SPACA1: variants seen among roughly 807,000 people sequenced by gnomAD.
The protein encoded by SPACA1 is sperm acrosome membrane-associated protein 1.
Under a neutral mutation model 32.6 loss-of-function variants are expected in SPACA1, and 17 were observed. That is an observed-to-expected ratio of 0.52 (90% CI 0.36 to 0.78). The LOEUF (loss-of-function observed/expected upper bound fraction) is 0.78, where lower values mean the gene tolerates loss of function less well. SPACA1 is among the 30% of genes least tolerant of loss of function. The pLI, the probability that SPACA1 is intolerant of heterozygous loss-of-function variation, is 0.01. For missense variants in SPACA1, 363 were observed against 373.4 expected (o/e 0.97, Z 0.23); for synonymous variants, 140 against 138.1 (o/e 1.01, Z -0.10).
Position 88,058,829 on chromosome 6 carries a change from A to G in SPACA1, c.474+7A>G. 6.3e-7 allele frequency: 1 copy of G among 1,575,036 alleles called. No individual in the cohort carries two copies. Among genetic ancestry groups the G allele is most frequent in the Non-Finnish European group, 8.7e-7 (1 of 1,145,580 alleles). On this transcript the variant is annotated splice_region_variant and intron_variant, in intron 4 of 6. Transcript: ENST00000237201. ...ACTTCTAAGACAAGACCAAGTGAGT[A>G]ATGAATGGATATAACCTGGTGCTTT...
chr6:88,057,612 G>T lies in SPACA1; in HGVS notation c.266G>T (p.Gly89Val), dbSNP rs1334427853. The T allele has an allele frequency of 1.2e-6, 2 of 1,606,990 alleles. No homozygotes were observed. The highest frequency in any genetic ancestry group is 3.3e-5 in the Admixed American group (2 of 59,984). Reference protein sequence around the residue: ...VEFGMCTVTCGIGVREVILTN... With the variant: ...VEFGMCTVTCVIGVREVILTN... Reference sequence around the variant, plus strand: ...TGCCTTTTTAAATTTTAAACCAAAGGTATTGGTGTTAGAGAAGTTATATTA... The same window carrying T: ...TGCCTTTTTAAATTTTAAACCAAAGTTATTGGTGTTAGAGAAGTTATATTA... The change falls in exon 3 of 7, where the codon GGT (glycine) becomes GTT (valine). Residue 89 changes from glycine (G) to valine (V), a missense_variant and splice_region_variant. Transcript: ENST00000237201.
Position 88,064,972 on chromosome 6 carries a change from T to C in SPACA1, c.731+753T>C, listed in dbSNP as rs550371321. Among the ~76,000 whole-genome samples, 196 of 148,598 alleles carry C rather than the reference T, an allele frequency of 1.3e-3. 1 individual carries two copies. The highest frequency in any genetic ancestry group is 4.6e-3 in the African/African-American group (189 of 40,886). On this transcript the variant is annotated intron_variant, in intron 6 of 6. Transcript: ENST00000237201. The stretch of plus-strand genomic sequence containing the variant: ...TATATATTACCTCATATCTAAGAAG[T>C]GTCTTTTTATTATTTTGTTTGTGAT...
intron 1 of SPACA1, among the ~76,000 whole-genome samples, chr6:88,048,383 AT>A (rs1182164569): frequency 1.3e-5 from 2 of 151,928 alleles, no homozygotes; most frequent in Non-Finnish European, 2.9e-5. Flanking sequence ...AAGGAAAAAG[AT>A]TTTTTTTCAG....
chr6:88,051,124 G>A (rs904117050), intron 1 of SPACA1, among the ~76,000 whole-genome samples: 10 of 151,668 alleles, frequency 6.6e-5, no homozygotes, highest in African/African-American at 1.9e-4. Flanking sequence ...TCCAGCCTGG[G>A]CAACAGAGCG....
At position 88,066,469 on chromosome 6, in the gene SPACA1, G is replaced by T. The variant is rs1265301360; in HGVS notation, c.*134G>T. ...ACAGTGTGAAGGAAATGCAGTGTGG[G>T]GATAGGACTATTTTATCAGTGCATT... On this transcript the variant is annotated 3_prime_UTR_variant, in exon 7 of 7. Transcript: ENST00000237201. 1.4e-6 allele frequency: 1 copy of T among 727,824 alleles called. No individual in the cohort carries two copies. Among genetic ancestry groups the T allele is most frequent in the African/African-American group, 1.8e-5 (1 of 55,266 alleles). 45.1% of individuals were successfully genotyped at this position (727,824 alleles called of 1,614,324 possible). A position where few individuals can be genotyped will look rare whatever the true frequency, so the allele number is the denominator to read the frequency against.
At chr6:88,048,702 C>G (rs1388862209) in intron 1 of SPACA1, among the ~76,000 whole-genome samples, 1 of 152,136 alleles carries the variant, frequency 6.6e-6, no homozygotes, top group African/African-American at 2.4e-5. Flanking sequence ...AAACACCTGT[C>G]AAGGGATCCA....
Position 88,058,763 on chromosome 6 carries a change from A to T in SPACA1, c.415A>T (p.Ile139Phe). The change falls in exon 4 of 7, where the codon ATT (isoleucine) becomes TTT (phenylalanine). Residue 139 changes from isoleucine to phenylalanine, a missense_variant. Physicochemically the swap from Ile to Phe is conservative, Grantham distance 21 (BLOSUM62 0). Transcript: ENST00000237201. ...ESLESVRLAC[I>F]HTSPLNRFKY... ...TCTTGAAAGTGTTAGATTGGCATGT[A>T]TTCACACATCTCCCTTAAATCGTTT... 6.2e-7 allele frequency: 1 copy of T among 1,614,000 alleles called. No individual in the cohort carries two copies. Among genetic ancestry groups the T allele is most frequent in the Non-Finnish European group, 8.5e-7 (1 of 1,179,962 alleles).
intron 1 of SPACA1, among the ~76,000 whole-genome samples, chr6:88,051,589 G>A (rs1775729273): frequency 6.6e-6 from 1 of 152,202 alleles, no homozygotes; most frequent in Admixed American, 6.5e-5. Flanking sequence ...AGACCCAGTA[G>A]ATTTTTAGGG....
chr6:88,057,853 C>A, intron 3 of SPACA1, 140 bp downstream of exon 3: 1 of 647,258 alleles, frequency 1.5e-6, no homozygotes. Context: ...TTAAATTCCA[C>A]TTCTTCAAAC....
chr6:88,060,161 G>A (rs768172720), intron 5 of SPACA1, among the ~76,000 whole-genome samples: 10 of 152,144 alleles, frequency 6.6e-5, no homozygotes, highest in African/African-American at 2.4e-4. Flanking sequence ...GTCATTTTAT[G>A]TATTAGAAAC....
intron 1 of SPACA1, among the ~76,000 whole-genome samples, chr6:88,050,888 G>A (rs770368732): frequency 3.9e-5 from 6 of 152,204 alleles, no homozygotes; most frequent in Non-Finnish European, 8.8e-5. Context: ...GGTGGCTCAC[G>A]CCTGTAATCC....
At chr6:88,060,798 C>T (rs1775881932) in intron 5 of SPACA1, among the ~76,000 whole-genome samples, 1 of 152,104 alleles carries the variant, frequency 6.6e-6, no homozygotes, top group Non-Finnish European at 1.5e-5. Context: ...CTATCTCGTC[C>T]CTGTTAGGAC....
chr6:88,064,182 T>C lies in SPACA1; in HGVS notation c.694T>C (p.Phe232Leu). The C allele has an allele frequency of 1.2e-6, 2 of 1,612,898 alleles. No individual in the cohort carries two copies. Among genetic ancestry groups the C allele is most frequent in the East Asian group, 2.2e-5 (1 of 44,856 alleles). Residue 232 changes from phenylalanine (F) to leucine (L), a missense_variant, in exon 6 of 7, where the codon TTT (phenylalanine) becomes CTT (leucine). Transcript: ENST00000237201. ...VLTIGVIICVFIIFLLIFIII... is the reference protein window; with the variant it reads ...VLTIGVIICVLIIFLLIFIII... ...GACCATAGGAGTCATTATCTGTGTA[T>C]TTATAATTTTCTTATTGATCTTCAT...
chr6:88,065,064 C>T (rs1775957731), intron 6 of SPACA1, among the ~76,000 whole-genome samples: 1 of 148,682 alleles, frequency 6.7e-6, no homozygotes, highest in Non-Finnish European at 1.5e-5. Context: ...TATGAGCCCT[C>T]AGGCTTACCA....
chr6:88,065,799 G>T (rs979860797), intron 6 of SPACA1, among the ~76,000 whole-genome samples: 8 of 145,062 alleles, frequency 5.5e-5, no homozygotes, highest in Admixed American at 2.9e-4. Flanking sequence ...GAACATTTTT[G>T]AATAGTAATT....
At chr6:88,057,460 C>A in intron 2 of SPACA1, 152 bp from the exon 3 acceptor site, 2 of 534,608 alleles carry the variant, frequency 3.7e-6, no homozygotes, top group Admixed American at 3.2e-5. Context: ...AATGAAGAGC[C>A]AAAAAAATTT....
chr6:88,047,606 C>G (rs1330782248), upstream of SPACA1, among the ~76,000 whole-genome samples: 1 of 152,324 alleles, frequency 6.6e-6, no homozygotes, highest in East Asian at 1.9e-4. Flanking sequence ...CCGGAAGGCT[C>G]AAGGAGGCGC....
chr6:88,052,835 G>A (rs778129965), intron 1 of SPACA1, among the ~76,000 whole-genome samples: 30 of 151,778 alleles, frequency 2.0e-4, no homozygotes, highest in Admixed American at 7.9e-4. Context: ...AGACTCTCTC[G>A]GAAAAACAAA....
chr6:88,054,641 T>A (rs1455932728), intron 2 of SPACA1, among the ~76,000 whole-genome samples: 1 of 152,156 alleles, frequency 6.6e-6, no homozygotes, highest in Admixed American at 6.5e-5. Context: ...AAATTTCTTC[T>A]AAATAGAATC....
Sources: gnomAD v4.1 joint callset for allele counts (sites outside exome capture counted in the v4.1 genomes callset) on GRCh38, gnomAD v4.1.1 for gene constraint, MANE v1.5 for transcripts, NCBI Gene and HGNC (gene_info 2026-07-23, HGNC 2026-07-21) for gene names.